FRMPD4: variants seen among roughly 807,000 people sequenced by gnomAD.
FRMPD4 encodes FERM and PDZ domain-containing protein 4.
Under a neutral mutation model 94.1 loss-of-function variants are expected in FRMPD4, and 22 were observed. The ratio of observed to expected loss-of-function variants is 0.23; its 90% confidence interval spans 0.17 to 0.33. FRMPD4 has a LOEUF of 0.33. Ranked by LOEUF, FRMPD4 falls within the 10% of genes least tolerant of loss-of-function variation. The pLI, the probability that FRMPD4 is intolerant of heterozygous loss-of-function variation, is 1.00. For missense variants in FRMPD4, 1,111 were observed against 1,339.9 expected (o/e 0.83, Z 2.67); for synonymous variants, 631 against 548.6 (o/e 1.15, Z -2.10).
intron 8 of FRMPD4, among the ~76,000 whole-genome samples, chrX:12,694,100 C>G (rs7051711): frequency 1.6e-3 from 183 of 111,943 alleles, no homozygotes; most frequent in African/African-American, 5.7e-3. Flanking sequence ...CCCCTGGGAG[C>G]ACTTTCTTAA....
chrX:11,926,928 G>A (rs2054092164), intron 3 of FRMPD4, among the ~76,000 whole-genome samples: 1 of 111,178 alleles, frequency 9.0e-6, no homozygotes, highest in African/African-American at 3.3e-5. Context: ...GAAATAAATG[G>A]TATCCAAATA....
At chrX:11,961,313 A>C (rs1289682503) in intron 3 of FRMPD4, among the ~76,000 whole-genome samples, 1 of 112,121 alleles carries the variant, frequency 8.9e-6, no homozygotes, top group Admixed American at 9.5e-5. Context: ...AAAAGAAAGA[A>C]GAGGAAAGGA....
intron 3 of FRMPD4, among the ~76,000 whole-genome samples, chrX:11,923,915 G>T (rs1001878203): frequency 3.6e-5 from 4 of 112,116 alleles, no homozygotes; most frequent in African/African-American, 9.7e-5. Flanking sequence ...TCCAGCAAGG[G>T]TTTGGAACCA....
intron 1 of FRMPD4, among the ~76,000 whole-genome samples, chrX:12,159,393 G>A (rs2055986961): frequency 8.9e-6 from 1 of 112,011 alleles, no homozygotes; most frequent in Admixed American, 9.5e-5. Context: ...CTGGTGACTA[G>A]CTCATCAGTC....
At chrX:11,831,059 G>T (rs2053471902) in intron 1 of FRMPD4, among the ~76,000 whole-genome samples, 1 of 109,682 alleles carries the variant, frequency 9.1e-6, no homozygotes, top group African/African-American at 3.3e-5. Context: ...GTCACATAAA[G>T]CACATACTAT....
intron 1 of FRMPD4, among the ~76,000 whole-genome samples, chrX:12,443,992 C>T (rs1367958865): frequency 1.3e-4 from 14 of 111,069 alleles, no homozygotes; most frequent in Non-Finnish European, 2.3e-4. Flanking sequence ...TGAAAGTCCC[C>T]GTTTTTTCAT....
intron 3 of FRMPD4, among the ~76,000 whole-genome samples, chrX:11,901,821 G>C (rs986623040): frequency 9.1e-6 from 1 of 110,432 alleles, no homozygotes; most frequent in African/African-American, 3.3e-5. Flanking sequence ...ATCTCATTGT[G>C]GTTTTAATTT....
intron 4 of FRMPD4, among the ~76,000 whole-genome samples, chrX:12,644,584 C>T (rs1002896876): frequency 9.0e-6 from 1 of 111,238 alleles, no homozygotes; most frequent in Admixed American, 9.6e-5. Context: ...CTGTGGTTCA[C>T]CTTCCCATCT....
chrX:11,828,848 A>G (rs183287167), intron 1 of FRMPD4, among the ~76,000 whole-genome samples: 51 of 112,713 alleles, frequency 4.5e-4, no homozygotes, highest in African/African-American at 1.5e-3. Flanking sequence ...GAAAAACACA[A>G]CAAAACACCA....
At chrX:11,946,950 G>A (rs901013611) in intron 3 of FRMPD4, among the ~76,000 whole-genome samples, 2 of 111,730 alleles carry the variant, frequency 1.8e-5, no homozygotes, top group Admixed American at 9.5e-5. Flanking sequence ...TGCAAATGGC[G>A]GACTGTGAGA....
At chrX:12,454,479 A>G (rs2057309138) in intron 1 of FRMPD4, among the ~76,000 whole-genome samples, 1 of 111,533 alleles carries the variant, frequency 9.0e-6, no homozygotes, top group African/African-American at 3.3e-5. Context: ...ATTAAGAATA[A>G]CCACGTGATC....
chrX:12,643,380 C>T (rs760523099), intron 4 of FRMPD4, among the ~76,000 whole-genome samples: 82 of 111,492 alleles, frequency 7.4e-4, no homozygotes, highest in Non-Finnish European at 1.2e-3. Flanking sequence ...GCCTCGCCCT[C>T]CCAAAGTGCC....
rs145766160 is a variant in FRMPD4 at position 12,563,536 on chromosome X, G to C, written c.159-46185G>C. 6.6e-3 allele frequency among the ~76,000 whole-genome samples: 737 copies of C among 112,205 alleles called. 7 individuals carry two copies. Among genetic ancestry groups the C allele is most frequent in the African/African-American group, 0.023 (710 of 30,878 alleles). Reference sequence around the variant, plus strand: ...CACCACCCTGGAAGATAAACACAAGGCTCCAGGGAAAGGTAGGACTTTATA... The same window carrying C: ...CACCACCCTGGAAGATAAACACAAGCCTCCAGGGAAAGGTAGGACTTTATA... On this transcript the variant is annotated intron_variant, in intron 2 of 16. Transcript: ENST00000675598.
At chrX:11,848,327 C>G (rs1007749996) in intron 1 of FRMPD4, among the ~76,000 whole-genome samples, 4 of 111,143 alleles carry the variant, frequency 3.6e-5, no homozygotes, top group Non-Finnish European at 5.7e-5. Flanking sequence ...CTCATTTTAA[C>G]TTTTTTAAAA....
At chrX:12,000,300 G>C (rs766530588) in intron 3 of FRMPD4, among the ~76,000 whole-genome samples, 3 of 111,791 alleles carry the variant, frequency 2.7e-5, no homozygotes, top group Non-Finnish European at 5.7e-5. Context: ...TGAAGATTTT[G>C]TTACATGGAG....
chrX:12,375,490 C>G (rs1402553587), intron 1 of FRMPD4, among the ~76,000 whole-genome samples: 1 of 112,255 alleles, frequency 8.9e-6, no homozygotes, highest in Non-Finnish European at 1.9e-5. Context: ...TCCCCTTCAT[C>G]TGCAAGCCCA....
intron 1 of FRMPD4, among the ~76,000 whole-genome samples, chrX:12,201,240 G>A (rs1292099504): frequency 8.9e-6 from 1 of 112,354 alleles, no homozygotes; most frequent in Non-Finnish European, 1.9e-5. Context: ...CTGTTTTTCT[G>A]TACTTTCACA....
chrX:12,299,546 A>G (rs1291333822), intron 1 of FRMPD4, among the ~76,000 whole-genome samples: 1 of 106,333 alleles, frequency 9.4e-6, no homozygotes, highest in Non-Finnish European at 1.9e-5. Context: ...AAATTCTGGA[A>G]GTTATTTTTC....
chrX:12,141,586 A>C (rs2055691881), intron 1 of FRMPD4, among the ~76,000 whole-genome samples: 1 of 111,510 alleles, frequency 9.0e-6, no homozygotes, highest in Non-Finnish European at 1.9e-5. Flanking sequence ...TACCATTAAA[A>C]AAAAATTGCT....
Sources: allele counts gnomAD v4.1 joint callset (sites outside exome capture counted in the v4.1 genomes callset), GRCh38; gene constraint gnomAD v4.1.1; transcripts MANE v1.5; gene names NCBI Gene and HGNC (gene_info 2026-07-23, HGNC 2026-07-21).